DDX10: variants seen among roughly 807,000 people sequenced by gnomAD.
DDX10 encodes DEAD-box helicase 10.
Under a neutral mutation model 104.3 loss-of-function variants are expected in DDX10, and 74 were observed. The ratio of observed to expected loss-of-function variants is 0.71; its 90% CI spans 0.59 to 0.86. The LOEUF (loss-of-function observed/expected upper bound fraction) is 0.86. Ranked by LOEUF, DDX10 falls within the 40% of genes least tolerant of loss-of-function variation. The pLI, the probability that DDX10 is intolerant of heterozygous loss-of-function variation, is 0.00. For missense variants in DDX10, 952 were observed against 1,040.0 expected, an observed-to-expected ratio of 0.92 and a Z score of 1.16; for synonymous variants, 351 against 353.4, an observed-to-expected ratio of 0.99 and a Z score of 0.08.
At chr11:108,854,710 G>A (rs1488832082) in intron 16 of DDX10, among the ~76,000 whole-genome samples, 2 of 137,972 alleles carry the variant, frequency 1.4e-5, no homozygotes, top group Non-Finnish European at 3.1e-5. Flanking sequence ...ATACAAGGAA[G>A]GATATAAAGG....
At chr11:108,691,829 TGCTGCCA>T (rs2094252960) in intron 7 of DDX10, 40 bp from the exon 8 acceptor site, 1 of 1,562,644 alleles carries the variant, frequency 6.4e-7, no homozygotes, top group Non-Finnish European at 8.7e-7. Flanking sequence ...AAAGCTTTAT[TGCTGCCA>T]TCTGCCATAA....
At chr11:108,889,713 G>T (rs1222296408) in intron 16 of DDX10, among the ~76,000 whole-genome samples, 1 of 152,128 alleles carries the variant, frequency 6.6e-6, no homozygotes, top group Non-Finnish European at 1.5e-5. Flanking sequence ...TTTTATGGTT[G>T]CTATGAGACA....
intron 15 of DDX10, among the ~76,000 whole-genome samples, chr11:108,848,121 A>G (rs966850027): frequency 1.3e-5 from 2 of 152,330 alleles, no homozygotes; most frequent in East Asian, 3.9e-4. Context: ...TCATGTTTCC[A>G]GAACAAGGTC....
At chr11:108,751,749 G>A (rs1044933966) in intron 13 of DDX10, among the ~76,000 whole-genome samples, 5 of 152,170 alleles carry the variant, frequency 3.3e-5, no homozygotes, top group African/African-American at 1.2e-4. Context: ...GAAAACTTAA[G>A]ATTCACATCT....
intron 13 of DDX10, among the ~76,000 whole-genome samples, chr11:108,781,720 C>T (rs1011233726): frequency 6.6e-6 from 1 of 151,858 alleles, no homozygotes; most frequent in African/African-American, 2.4e-5. Flanking sequence ...AACTGTAAAC[C>T]AAAGAATCGC....
At chr11:108,883,567 C>G (rs1283670719) in intron 16 of DDX10, among the ~76,000 whole-genome samples, 2 of 152,134 alleles carry the variant, frequency 1.3e-5, no homozygotes, top group African/African-American at 4.8e-5. Flanking sequence ...GGGGAAGTCT[C>G]TTTCTAGAGT....
In DDX10 at chr11:108,894,958, A is replaced by T. The variant is rs546683564; in HGVS notation, c.2305-22915A>T. Among the ~76,000 whole-genome samples the T allele has an allele frequency of 7.2e-5, 11 of 152,046 alleles. No homozygotes were observed. In the East Asian group the frequency reaches 2.1e-3, roughly 29 times the overall value. On this transcript the variant is annotated intron_variant, in intron 16 of 17. Transcript: ENST00000322536. ...AACCTAGGTAGAAACTTTTGTAGGA[A>T]ATTGGATTTGTAGTTGGCATTTGCT...
intron 1 of DDX10, among the ~76,000 whole-genome samples, chr11:108,667,892 A>G (rs1027133473): frequency 2.6e-5 from 4 of 152,112 alleles, no homozygotes; most frequent in Non-Finnish European, 4.4e-5. Flanking sequence ...GTCTGCGATG[A>G]TTGGCTTCTT....
chr11:108,900,648 A>T (rs1424838332), intron 16 of DDX10, among the ~76,000 whole-genome samples: 1 of 152,202 alleles, frequency 6.6e-6, no homozygotes, highest in Non-Finnish European at 1.5e-5. Flanking sequence ...CACAACCGGA[A>T]TGGTGGACCC....
chr11:108,702,736 A>G (rs1332446890), intron 9 of DDX10, among the ~76,000 whole-genome samples: 1 of 152,234 alleles, frequency 6.6e-6, no homozygotes, highest in African/African-American at 2.4e-5. Flanking sequence ...GATATCAGCT[A>G]GACAATCATG....
At chr11:108,729,963 T>C in intron 13 of DDX10, 1 of 154,156 alleles carries the variant, frequency 6.5e-6, no homozygotes, top group Middle Eastern at 7.5e-4. Context: ...TTTTTTTCCC[T>C]TGTCAATCAC....
chr11:108,665,385 G>A (rs755675027), intron 1 of DDX10, 46 bp downstream of exon 1: 1 of 1,507,410 alleles, frequency 6.6e-7, no homozygotes, highest in Non-Finnish European at 8.9e-7. Context: ...CAGCAGCGGG[G>A]CAGCGTCTCA....
chr11:108,877,618 G>A (rs936427731), intron 16 of DDX10, among the ~76,000 whole-genome samples: 9 of 152,216 alleles, frequency 5.9e-5, no homozygotes, highest in East Asian at 1.9e-4. Flanking sequence ...TGGAGGATGC[G>A]GGGTGCCTTT....
At chr11:108,891,658 A>G (rs894138693) in intron 16 of DDX10, among the ~76,000 whole-genome samples, 1 of 152,176 alleles carries the variant, frequency 6.6e-6, no homozygotes, top group Non-Finnish European at 1.5e-5. Flanking sequence ...TCTTGACATT[A>G]TATTACATAT....
intron 16 of DDX10, among the ~76,000 whole-genome samples, chr11:108,890,328 G>A (rs541417748): frequency 3.0e-4 from 46 of 152,240 alleles, no homozygotes; most frequent in African/African-American, 9.4e-4. Context: ...GCTCCCAACC[G>A]TAGCTGAGAG....
chr11:108,760,014 AAAG>A (rs905533684), intron 13 of DDX10, among the ~76,000 whole-genome samples: 1 of 151,916 alleles, frequency 6.6e-6, no homozygotes, highest in Non-Finnish European at 1.5e-5. Context: ...AAAAAAAAAA[AAAG>A]AATCTCACAC....
chr11:108,886,528 T>C (rs771792031), intron 16 of DDX10, among the ~76,000 whole-genome samples: 2 of 152,206 alleles, frequency 1.3e-5, no homozygotes, highest in African/African-American at 4.8e-5. Context: ...CCTGGAAATC[T>C]GAGTTCTTCT....
intron 16 of DDX10, among the ~76,000 whole-genome samples, chr11:108,887,006 A>G (rs947914590): frequency 2.6e-5 from 4 of 152,178 alleles, no homozygotes; most frequent in African/African-American, 9.6e-5. Flanking sequence ...ATCCTTCTCT[A>G]TTCTTCCTCA....
intron 9 of DDX10, among the ~76,000 whole-genome samples, chr11:108,701,644 A>C (rs2094268076): frequency 6.7e-6 from 1 of 149,428 alleles, no homozygotes; most frequent in Non-Finnish European, 1.5e-5. Context: ...TTTTGACTCT[A>C]AATCTGGTGT....
Sources: gnomAD v4.1 joint callset for allele counts (sites outside exome capture counted in the v4.1 genomes callset) on GRCh38, gnomAD v4.1.1 for gene constraint, MANE v1.5 for transcripts, NCBI Gene and HGNC (gene_info 2026-07-23, HGNC 2026-07-21) for gene names.